NFIC: variants seen among roughly 807,000 people sequenced by gnomAD.
The protein encoded by NFIC is nuclear factor 1 C-type.
A neutral mutation model predicts 54.4 loss-of-function variants in NFIC; 12 were observed. The ratio of observed to expected loss-of-function variants is 0.22; its 90% CI spans 0.14 to 0.36. The LOEUF (loss-of-function observed/expected upper bound fraction) is 0.36, where lower values mean the gene tolerates loss of function less well. NFIC is among the 10% of genes least tolerant of loss of function. The pLI is 1.00. For synonymous variants in NFIC, 322 were observed against 319.2 expected (o/e 1.01, Z -0.09); for missense variants, 575 against 718.2 (o/e 0.80, Z 2.28).
chr19:3,361,505 AC>A (rs1254201398), intron 1 of NFIC, among the ~76,000 whole-genome samples: 29 of 40,564 alleles, frequency 7.1e-4, no homozygotes, highest in African/African-American at 2.5e-3. Context: ...CCCCCACCCC[AC>A]CCCCAGTGCG....
chr19:3,404,980 C>T (rs563679569), intron 2 of NFIC, among the ~76,000 whole-genome samples: 1 of 152,290 alleles, frequency 6.6e-6, no homozygotes, highest in East Asian at 1.9e-4. Context: ...GGGACGGTTC[C>T]GGGGCGGTGG....
chr19:3,378,261 CAAAAAAAAAA>C (rs77487928), intron 1 of NFIC, among the ~76,000 whole-genome samples: 1 of 51,696 alleles, frequency 1.9e-5, no homozygotes, highest in Non-Finnish European at 4.0e-5. Flanking sequence ...AACTCTGTCT[CAAAAAAAAAA>C]AAAAAAAAAA....
At chr19:3,406,538 GT>G (rs1345001458) in intron 2 of NFIC, among the ~76,000 whole-genome samples, 1 of 152,156 alleles carries the variant, frequency 6.6e-6, no homozygotes, top group African/African-American at 2.4e-5. Context: ...ATGTCTGTGT[GT>G]TTTTCACTGC....
At chr19:3,451,153 G>A (rs1229325794) in intron 7 of NFIC, among the ~76,000 whole-genome samples, 30 of 152,192 alleles carry the variant, frequency 2.0e-4, no homozygotes, top group Non-Finnish European at 5.9e-5. Flanking sequence ...AGGCTCTGAC[G>A]CAGGCCACCT....
rs77332411 is a variant in NFIC at position 3,375,536 on chromosome 19, C to G, written c.31-6176C>G. Among the ~76,000 whole-genome samples, 1,957 of 152,352 alleles carry G rather than the reference C, an allele frequency of 0.013. 44 individuals are homozygous for G. Among genetic ancestry groups the G allele is most frequent in the African/African-American group, 0.045 (1,888 of 41,582 alleles). ...GGCCTGGGCCGGGCCCCCTCCACCT[C>G]CCCTTTGCCTTAGCAGGTTGGCTGG... is the stretch of plus-strand genomic sequence containing the variant. On this transcript the variant is annotated intron_variant, in intron 1 of 10. Transcript: ENST00000443272. This position sits in a 1 kb window ranked among gnomAD's most constrained non-coding sequence, Gnocchi z 4.6.
intron 2 of NFIC, among the ~76,000 whole-genome samples, chr19:3,414,949 C>G (rs2081828961): frequency 6.6e-6 from 1 of 152,036 alleles, no homozygotes; most frequent in Admixed American, 6.6e-5. Flanking sequence ...AAGCGATTCT[C>G]CTGCCTCAAC....
intron 4 of NFIC, 99 bp from the exon 5 acceptor site, chr19:3,434,178 C>T: frequency 6.7e-7 from 1 of 1,483,180 alleles, no homozygotes; most frequent in South Asian, 1.4e-5. Flanking sequence ...AAGGGGGTCC[C>T]CCTTTGGACT....
intron 6 of NFIC, among the ~76,000 whole-genome samples, chr19:3,446,567 T>C (rs1471844824): frequency 6.6e-6 from 1 of 152,210 alleles, no homozygotes; most frequent in Non-Finnish European, 1.5e-5. Context: ...CTCATCACCC[T>C]GTTTGGATGG....
chr19:3,398,173 C>T (rs577562979), intron 2 of NFIC, among the ~76,000 whole-genome samples: 3 of 152,166 alleles, frequency 2.0e-5, no homozygotes, highest in African/African-American at 4.8e-5. Context: ...CACCTTGCTC[C>T]GTGCCTCAGT....
chr19:3,376,201 G>A (rs150442528), intron 1 of NFIC, among the ~76,000 whole-genome samples: 5 of 152,016 alleles, frequency 3.3e-5, no homozygotes, highest in South Asian at 2.1e-4. Flanking sequence ...GGGCCGAGGC[G>A]GGAGGATCGC....
At chr19:3,384,891 A>G (rs574828253) in intron 2 of NFIC, among the ~76,000 whole-genome samples, 2 of 152,278 alleles carry the variant, frequency 1.3e-5, no homozygotes, top group African/African-American at 4.8e-5. Flanking sequence ...ACACAGGGCC[A>G]GACCTCTCTG....
At position 3,453,422 on chromosome 19, in the gene NFIC, A is replaced by G. The variant is rs2082499517; in HGVS notation, c.1270-341A>G. On this transcript the variant is annotated intron_variant, in intron 8 of 10. Coordinates refer to ENST00000443272, the MANE Select transcript of NFIC (RefSeq NM_001245002.2). This position sits in a 1 kb window ranked among gnomAD's most constrained non-coding sequence, Gnocchi z 6.7. ...TGATGGTGGATGATGGCGTGCTCGC[A>G]GTGAATTAGGAAAAACGCGGAGAAC... 6.6e-6 allele frequency among the ~76,000 whole-genome samples: 1 copy of G among 152,166 alleles called. No individual in the cohort carries two copies. The highest frequency in any genetic ancestry group is 2.4e-5 in the African/African-American group (1 of 41,418).
rs1310957644 is a variant in NFIC at position 3,466,224 on chromosome 19, T to A, written c.*3455T>A. 1 of 36,554 alleles carries A rather than the reference T, an allele frequency of 2.7e-5. No individual in the cohort carries two copies. The highest frequency in any genetic ancestry group is 4.3e-5 in the Non-Finnish European group (1 of 23,006). 2.3% of individuals were successfully genotyped at this position (36,554 alleles called of 1,614,324 possible). ...TCCTTGATTTTATTTTCTTTTGTTCTTTTTTTTTTTCTTTTCTTTTTGTTT... is the reference window on the plus strand; with the variant it reads ...TCCTTGATTTTATTTTCTTTTGTTCATTTTTTTTTTCTTTTCTTTTTGTTT... On this transcript the variant is annotated 3_prime_UTR_variant, in exon 11 of 11. Transcript: ENST00000443272. This position sits in a 1 kb window ranked among gnomAD's most constrained non-coding sequence, Gnocchi z 4.8.
At position 3,452,009 on chromosome 19, in the gene NFIC, C is replaced by T. The variant is rs546961062; in HGVS notation, c.1085-473C>T. ...GCGTGCACTTGTAATCCCAGCTACT[C>T]GGGAGGCTGAGGCAGAATTGCTTGA... On this transcript the variant is annotated intron_variant, in intron 7 of 10. Transcript: ENST00000443272. The surrounding 1 kb of genome is among the most constrained non-coding windows in gnomAD (Gnocchi z 5.3). Among the ~76,000 whole-genome samples the T allele has an allele frequency of 5.4e-5, 8 of 148,318 alleles. No homozygotes were observed. Among genetic ancestry groups the T allele is most frequent in the Non-Finnish European group, 8.9e-5 (6 of 67,482 alleles).
rs552912326 is a variant in NFIC, at chr19:3,452,487, G to T, written c.1090G>T (p.Ala364Ser). The change falls in exon 8 of 11, where the codon GCC becomes TCC. Residue 364 changes from alanine to serine, a missense_variant. Ala to Ser is a moderately conservative substitution (Grantham distance 99, BLOSUM62 1). Around this residue, in one of 3 missense-constraint regions of NFIC, gnomAD observed 447 missense variants for 526.9 expected, o/e 0.85. Coordinates refer to ENST00000443272, the MANE Select transcript of NFIC (RefSeq NM_001245002.2). The surrounding 1 kb of genome is among the most constrained non-coding windows in gnomAD (Gnocchi z 5.3). ...RPVIAVHSGI[A>S]RSPHPSSALH... Reference sequence around the variant, plus strand: ...GCTTCCCACTGTCTCCGCAGGGATCGCCCGGAGCCCACACCCGTCCTCCGC... The same window carrying T: ...GCTTCCCACTGTCTCCGCAGGGATCTCCCGGAGCCCACACCCGTCCTCCGC... The T allele has an allele frequency of 3.7e-5, 60 of 1,611,194 alleles. No individual in the cohort carries two copies. In the Middle Eastern group the frequency reaches 4.9e-4, roughly 13 times the overall value.
intron 3 of NFIC, among the ~76,000 whole-genome samples, chr19:3,430,949 AAAG>A (rs1326043925): frequency 6.6e-6 from 1 of 151,598 alleles, no homozygotes; most frequent in Non-Finnish European, 1.5e-5. Context: ...AAAAAAAAGA[AAAG>A]AAAAAGAAAG....
intron 6 of NFIC, among the ~76,000 whole-genome samples, chr19:3,443,115 C>T (rs928879069): frequency 5.3e-5 from 8 of 152,162 alleles, no homozygotes; most frequent in African/African-American, 1.9e-4. Context: ...AGTGCTGAGG[C>T]TGAGAAACCT....
chr19:3,377,151 C>A lies in NFIC; in HGVS notation c.31-4561C>A, dbSNP rs571242716. On this transcript the variant is annotated intron_variant, in intron 1 of 10. Transcript: ENST00000443272. ...AGACCATCCTGGCTAACACAGTGAA[C>A]CCCCGTCTCTACTAAAAAAAAAAAT... Among the ~76,000 whole-genome samples, 445 of 150,210 alleles carry A rather than the reference C, an allele frequency of 3.0e-3. 2 individuals are homozygous for A. Among genetic ancestry groups the A allele is most frequent in the Non-Finnish European group, 5.5e-3 (374 of 67,672 alleles).
At chr19:3,431,196 G>T (rs1209388318) in intron 3 of NFIC, among the ~76,000 whole-genome samples, 1 of 151,130 alleles carries the variant, frequency 6.6e-6, no homozygotes, top group African/African-American at 2.4e-5. Flanking sequence ...GCTAATTTTT[G>T]TATTTTTAGT....
Sources: gnomAD v4.1 joint callset for allele counts (sites outside exome capture counted in the v4.1 genomes callset) on GRCh38, gnomAD v4.1.1 for gene constraint, gnomAD v4.1.1 regional missense constraint, Gnocchi (gnomAD v3.1) non-coding constraint, MANE v1.5 for transcripts, NCBI Gene and HGNC (gene_info 2026-07-23, HGNC 2026-07-21) for gene names.